DNAH10: variants seen among roughly 807,000 people sequenced by gnomAD.
DNAH10 encodes the protein axonemal beta dynein heavy chain 10.
In DNAH10, 348 loss-of-function variants were observed where a neutral mutation model predicts 506.6. The observed-to-expected ratio is 0.69, with a 90% CI of 0.63 to 0.75. DNAH10 has a LOEUF of 0.75. DNAH10 is among the 30% of genes least tolerant of loss of function. The probability of loss-of-function intolerance (pLI) is 0.00; values close to 1 mark genes in which losing one functional copy is unlikely to be tolerated. For synonymous variants in DNAH10, 2,059 were observed against 2,198.6 expected (o/e 0.94, Z 1.78); for missense variants, 5,179 against 5,787.1 (o/e 0.89, Z 3.41).
chr12:123,889,618 G>A (rs1416638086), intron 52 of DNAH10, among the ~76,000 whole-genome samples: 1 of 152,170 alleles, frequency 6.6e-6, no homozygotes, highest in Admixed American at 6.5e-5. Context: ...GAGAGTGTGG[G>A]CAGGAGCATC....
chr12:123,847,283 CTATT>C (rs1307060394), intron 32 of DNAH10, among the ~76,000 whole-genome samples: 2 of 150,872 alleles, frequency 1.3e-5, no homozygotes, highest in African/African-American at 4.9e-5. Flanking sequence ...TCCATCCTGT[CTATT>C]TATCATCTCG....
intron 56 of DNAH10, among the ~76,000 whole-genome samples, chr12:123,899,361 G>A (rs1953410460): frequency 6.6e-6 from 1 of 152,114 alleles, no homozygotes; most frequent in Admixed American, 6.5e-5. Flanking sequence ...CTCCTCTCTA[G>A]GTCTTTGGGC....
chr12:123,844,614 A>G (rs1400457940), intron 30 of DNAH10, among the ~76,000 whole-genome samples: 1 of 152,226 alleles, frequency 6.6e-6, no homozygotes, highest in Non-Finnish European at 1.5e-5. Flanking sequence ...CAGTGTGGTC[A>G]GAGATTATGA....
intron 21 of DNAH10, among the ~76,000 whole-genome samples, chr12:123,817,721 A>G (rs919511107): frequency 1.3e-5 from 2 of 152,158 alleles, no homozygotes; most frequent in Admixed American, 1.3e-4. Context: ...TGGCATTTCT[A>G]ACTGAGTTCT....
chr12:123,858,940 G>T (rs2136834089), intron 37 of DNAH10, among the ~76,000 whole-genome samples: 1 of 152,282 alleles, frequency 6.6e-6, no homozygotes, highest in East Asian at 1.9e-4. Flanking sequence ...GGGATTGGGA[G>T]AGATGGGTAC....
chr12:123,916,424 G>C lies in DNAH10; in HGVS notation c.10723-33G>C. On this transcript the variant is annotated intron_variant, in intron 62 of 78. Coordinates refer to ENST00000673944, the MANE Select transcript of DNAH10 (RefSeq NM_001372106.1). This position sits in a 1 kb window ranked among gnomAD's most constrained non-coding sequence, Gnocchi z 4.6. ...ATTTGGCAGGGCCACAGTTAAACGT[G>C]GGCTTTCAGCATCTGCCTCCCTTCT... The C allele has an allele frequency of 6.3e-7, 1 of 1,581,934 alleles. No individual in the cohort carries two copies. The highest frequency in any genetic ancestry group is 8.6e-7 in the Non-Finnish European group (1 of 1,164,650).
intron 54 of DNAH10, among the ~76,000 whole-genome samples, 200 bp from the exon 55 acceptor site, chr12:123,897,570 C>CA (rs1225093727): frequency 4.6e-5 from 7 of 151,698 alleles, no homozygotes; most frequent in African/African-American, 1.7e-4. Flanking sequence ...CAAAATAATA[C>CA]AAAAAATTAC....
At chr12:123,875,158 T>A in intron 46 of DNAH10, 73 bp from the exon 47 acceptor site, 1 of 1,503,534 alleles carries the variant, frequency 6.7e-7, no homozygotes, top group South Asian at 1.3e-5. Context: ...TGAGCTGGGA[T>A]GGTCAGCCAA....
chr12:123,767,895 A>G (rs1416810878), intron 2 of DNAH10, among the ~76,000 whole-genome samples: 1 of 152,192 alleles, frequency 6.6e-6, no homozygotes, highest in Non-Finnish European at 1.5e-5. Flanking sequence ...GCTGAAAACA[A>G]CACAGATGTA....
At chr12:123,856,125 C>A (rs1253853956) in intron 36 of DNAH10, among the ~76,000 whole-genome samples, 2 of 145,308 alleles carry the variant, frequency 1.4e-5, no homozygotes, top group East Asian at 2.0e-4. Flanking sequence ...ATTTTATATA[C>A]ATTTATAAAT....
chr12:123,876,478 C>T, intron 47 of DNAH10, among the ~76,000 whole-genome samples: 1 of 151,716 alleles, frequency 6.6e-6, no homozygotes, highest in East Asian at 1.9e-4. Flanking sequence ...ACTAAAAATA[C>T]AAAAATTAGC....
At chr12:123,824,480 C>T (rs917974114) in intron 24 of DNAH10, among the ~76,000 whole-genome samples, 6 of 152,154 alleles carry the variant, frequency 3.9e-5, no homozygotes, top group African/African-American at 1.2e-4. Context: ...CAGATGGGCT[C>T]ACCTGGTGCC....
chr12:123,796,101 A>G lies in DNAH10; in HGVS notation c.1987-555A>G, dbSNP rs575847991. Among the ~76,000 whole-genome samples, 12 of 152,342 alleles carry G rather than the reference A, an allele frequency of 7.9e-5. No individual in the cohort carries two copies. The South Asian group carries it at 2.3e-3, about 29-fold the overall frequency. On this transcript the variant is annotated intron_variant, in intron 12 of 78. Coordinates refer to ENST00000673944, the MANE Select transcript of DNAH10 (RefSeq NM_001372106.1). ...GATTTCTGATAATTGGATCAAGCCA[A>G]TATACACAGTGTGCATGCTCTGTAA...
rs778157342 is a variant in DNAH10, at chr12:123,857,075, C to T, written c.6458C>T (p.Ala2153Val). 6.2e-7 allele frequency: 1 copy of T among 1,612,400 alleles called. No individual in the cohort carries two copies. Among genetic ancestry groups the T allele is most frequent in the Non-Finnish European group, 8.5e-7 (1 of 1,179,274 alleles). The change falls in exon 37 of 79, where the codon GCC becomes GTC. Residue 2153 changes from alanine (A) to valine (V), a missense_variant. By Grantham distance (64) the Ala-to-Val change is moderately conservative. Transcript: ENST00000673944. Reference sequence around the variant, plus strand: ...CTGCAGGACGTGGTGCTGATGAGGGCCTTGCGAGACATGAACTTGCCCAAA... The same window carrying T: ...CTGCAGGACGTGGTGCTGATGAGGGTCTTGCGAGACATGAACTTGCCCAAA... ...DLREDVVLMR[A>V]LRDMNLPKFV... is the part of the protein sequence containing the mutation.
In DNAH10 at chr12:123,785,668, T is replaced by G; in HGVS notation, c.1231-78T>G. The G allele has an allele frequency of 8.3e-7, 1 of 1,205,646 alleles. No homozygotes were observed. Among genetic ancestry groups the G allele is most frequent in the Non-Finnish European group, 1.1e-6 (1 of 896,348 alleles). The allele number at this position is 1,205,646 out of a possible 1,614,324, so 74.7% of individuals were successfully genotyped here. On this transcript the variant is annotated intron_variant, in intron 8 of 78. Transcript: ENST00000673944. This position sits in a 1 kb window ranked among gnomAD's most constrained non-coding sequence, Gnocchi z 4.1. ...AAAAAAAAAAAAGAGTGAAACTTCT[T>G]GCATGCTTACTGTTTTATGAAACTA...
At chr12:123,765,738 C>T (rs904340070) in intron 1 of DNAH10, among the ~76,000 whole-genome samples, 2 of 152,044 alleles carry the variant, frequency 1.3e-5, no homozygotes, top group African/African-American at 4.8e-5. Context: ...ATCTATCCAT[C>T]TATCAATTAT....
intron 16 of DNAH10, among the ~76,000 whole-genome samples, chr12:123,801,750 G>A (rs1350938663): frequency 6.6e-6 from 1 of 152,130 alleles, no homozygotes; most frequent in Non-Finnish European, 1.5e-5. Context: ...TAAGAATTAC[G>A]ACAGAGGGAG....
At position 123,808,903 on chromosome 12, in the gene DNAH10, A is replaced by T. The variant is rs1195662014; in HGVS notation, c.3094A>T (p.Ile1032Phe). 1 of 1,614,130 alleles carries T rather than the reference A, an allele frequency of 6.2e-7. No homozygotes were observed. The highest frequency in any genetic ancestry group is 8.5e-7 in the Non-Finnish European group (1 of 1,180,016). ...CATCCTTCATCCCAACACAAATGAG[A>T]TCGACAAGATGTGCTTCCATTGTGT... The part of the protein sequence containing the change: ...EIILHPNTNE[I>F]DKMCFHCVRN... The change falls in exon 19 of 79, where the codon ATC becomes TTC. Residue 1032 changes from isoleucine to phenylalanine, a missense_variant. By Grantham distance (21) the Ile-to-Phe change is conservative (BLOSUM62 0). Around this residue, in one of 3 missense-constraint regions of DNAH10, gnomAD observed 4,844 missense variants for 5,430.5 expected, o/e 0.89. Coordinates refer to ENST00000673944, the MANE Select transcript of DNAH10 (RefSeq NM_001372106.1).
rs1951146704 is a variant in DNAH10, at chr12:123,851,153, G to A, written c.6291+77G>A. On this transcript the variant is annotated intron_variant, in intron 35 of 78. Transcript: ENST00000673944. Reference sequence around the variant, plus strand: ...TGCTTCCAGACTGGGGACCTAGGACGCGTTAGCTCCGTGTGGCTCTTCCAG... The same window carrying A: ...TGCTTCCAGACTGGGGACCTAGGACACGTTAGCTCCGTGTGGCTCTTCCAG... The A allele has an allele frequency of 8.3e-6, 12 of 1,445,986 alleles. No homozygotes were observed. In the Admixed American group the frequency reaches 9.4e-5, roughly 11 times the overall value. 89.6% of individuals were successfully genotyped at this position (1,445,986 alleles called of 1,614,324 possible). A position where few individuals can be genotyped will look rare whatever the true frequency, so the allele number is the denominator to read the frequency against.
Sources: gnomAD v4.1 joint callset for allele counts (sites outside exome capture counted in the v4.1 genomes callset) on GRCh38, gnomAD v4.1.1 for gene constraint, gnomAD v4.1.1 regional missense constraint, Gnocchi (gnomAD v3.1) non-coding constraint, MANE v1.5 for transcripts, NCBI Gene and HGNC (gene_info 2026-07-23, HGNC 2026-07-21) for gene names.